UBE2D3: variants seen among roughly 807,000 people sequenced by gnomAD.
The protein encoded by UBE2D3 is ubiquitin-conjugating enzyme E2 D3.
Under a neutral mutation model 22.8 loss-of-function variants are expected in UBE2D3, and 2 were observed. That is an observed-to-expected ratio of 0.09 (90% CI 0.04 to 0.28). The LOEUF is 0.28. Among genes scored for constraint, UBE2D3 ranks in the 10% least tolerant of loss-of-function variants. UBE2D3 has a pLI of 1.00. For synonymous variants in UBE2D3, 56 were observed against 60.4 expected, an observed-to-expected ratio of 0.93 and a Z score of 0.34; for missense variants, 27 against 182.5, an observed-to-expected ratio of 0.15 and a Z score of 4.91.
At chr4:102,854,987 A>T (rs527585543) in intron 1 of UBE2D3, among the ~76,000 whole-genome samples, 1 of 152,208 alleles carries the variant, frequency 6.6e-6, no homozygotes, top group Non-Finnish European at 1.5e-5. Context: ...GGGTCTGTTG[A>T]AGTGAGTTGC....
intron 4 of UBE2D3, 89 bp from the exon 5 acceptor site, chr4:102,802,727 T>C (rs1442946276): frequency 1.7e-5 from 17 of 1,014,490 alleles, no homozygotes; most frequent in Admixed American, 7.2e-5. Flanking sequence ...TCTCTAATAA[T>C]GAACCCAAAT....
upstream of UBE2D3, chr4:102,827,942 A>C: frequency 2.3e-5 from 23 of 985,466 alleles, no homozygotes; most frequent in Non-Finnish European, 2.8e-5. Flanking sequence ...CAGTTTCCTC[A>C]CTTGGTATCG....
intron 2 of UBE2D3, among the ~76,000 whole-genome samples, chr4:102,818,132 A>G (rs1344964826): frequency 2.0e-5 from 3 of 152,194 alleles, no homozygotes; most frequent in African/African-American, 7.2e-5. Context: ...CTGAAACAGG[A>G]AAATGTTTGG....
chr4:102,832,681 G>T (rs900614818), intron 1 of UBE2D3, among the ~76,000 whole-genome samples: 2 of 152,216 alleles, frequency 1.3e-5, no homozygotes, highest in African/African-American at 4.8e-5. Flanking sequence ...GGGGCGGGGG[G>T]AATTCTCCCT....
Position 102,795,658 on chromosome 4 carries a change from TAA to T in UBE2D3, c.*1755_*1756del, listed in dbSNP as rs966210906. On this transcript the variant is annotated 3_prime_UTR_variant, in exon 8 of 8. Coordinates refer to ENST00000453744, the MANE Select transcript of UBE2D3 (RefSeq NM_181891.3). ...TCACTTCCAGTTTAGAGAAGAACCTTAAGTCAATAAATCATGTCCAAACTACA... is the reference window on the plus strand; with the variant it reads ...TCACTTCCAGTTTAGAGAAGAACCTTGTCAATAAATCATGTCCAAACTACA... 34 of 152,068 alleles carry T rather than the reference TAA, an allele frequency of 2.2e-4. No individual in the cohort carries two copies. Among genetic ancestry groups the T allele is most frequent in the African/African-American group, 8.2e-4 (34 of 41,450 alleles). 9.4% of individuals were successfully genotyped at this position (152,068 alleles called of 1,614,324 possible). A position where few individuals can be genotyped will look rare whatever the true frequency, so the allele number is the denominator to read the frequency against.
At chr4:102,802,351 A>T (rs952052256) in intron 5 of UBE2D3, 1 of 357,792 alleles carries the variant, frequency 2.8e-6, no homozygotes, top group African/African-American at 2.1e-5. Flanking sequence ...GAATCTTGCA[A>T]CATTAAAGAA....
intron 1 of UBE2D3, among the ~76,000 whole-genome samples, chr4:102,834,683 A>G (rs1202419572): frequency 6.6e-6 from 1 of 151,982 alleles, no homozygotes; most frequent in East Asian, 1.9e-4. Context: ...CAGGAGGTCA[A>G]GGCTGCAGTG....
chr4:102,853,368 C>T (rs370719022), intron 1 of UBE2D3, among the ~76,000 whole-genome samples: 1 of 151,110 alleles, frequency 6.6e-6, no homozygotes, highest in Non-Finnish European at 1.5e-5. Context: ...ACATGTGAGA[C>T]AAAATTATGT....
chr4:102,816,821 A>G (rs1728839012), intron 2 of UBE2D3, among the ~76,000 whole-genome samples: 1 of 152,212 alleles, frequency 6.6e-6, no homozygotes, highest in Admixed American at 6.5e-5. Context: ...TCATAGGAAC[A>G]TTGCCTTTTT....
rs1404003102 is a variant in UBE2D3 at position 102,813,935 on chromosome 4, G to T, written c.25-4080C>A. 2.6e-5 allele frequency among the ~76,000 whole-genome samples: 4 copies of T among 152,276 alleles called. No individual in the cohort carries two copies. In the East Asian group the frequency reaches 7.7e-4, roughly 29 times the overall value. On this transcript the variant is annotated intron_variant, in intron 2 of 7. Transcript: ENST00000453744. ...AAAAATAGAGTAGACAAGGAGAATT[G>T]TCCTGATATGCTGTGCCAATTCACT...
chr4:102,803,516 T>C (rs980142500), intron 4 of UBE2D3, among the ~76,000 whole-genome samples: 1 of 152,226 alleles, frequency 6.6e-6, no homozygotes, highest in African/African-American at 2.4e-5. Flanking sequence ...GCTCATCTAA[T>C]TCCTACCCTT....
At chr4:102,836,248 A>AGGGTCC (rs1731394069) in intron 1 of UBE2D3, among the ~76,000 whole-genome samples, 2 of 150,638 alleles carry the variant, frequency 1.3e-5, no homozygotes, top group African/African-American at 4.9e-5. Context: ...CTGGGTTCAA[A>AGGGTCC]TGATTCTCCT....
chr4:102,794,674 A>C lies in UBE2D3; in HGVS notation c.*2741T>G, dbSNP rs1019426345. 3.4e-5 allele frequency: 5 copies of C among 147,882 alleles called. No homozygotes were observed. The highest frequency in any genetic ancestry group is 2.7e-4 in the Admixed American group (4 of 14,792). 9.2% of individuals were successfully genotyped at this position (147,882 alleles called of 1,614,324 possible). ...TTTCAACAAACAAAAAAAAACAAAC[A>C]AAAAAAAAAGTGAGTGTTTCACTAC... On this transcript the variant is annotated 3_prime_UTR_variant, in exon 8 of 8. Coordinates refer to ENST00000453744, the MANE Select transcript of UBE2D3 (RefSeq NM_181891.3).
chr4:102,820,981 A>C (rs1729517141), intron 2 of UBE2D3, among the ~76,000 whole-genome samples: 1 of 152,172 alleles, frequency 6.6e-6, no homozygotes, highest in African/African-American at 2.4e-5. Flanking sequence ...AGGAGATAAA[A>C]ATCAGATGTT....
chr4:102,837,964 T>A (rs1731507449), intron 1 of UBE2D3, among the ~76,000 whole-genome samples: 1 of 151,736 alleles, frequency 6.6e-6, no homozygotes, highest in South Asian at 2.1e-4. Flanking sequence ...AAAAAATATA[T>A]ACATATTTTT....
chr4:102,821,938 AG>A (rs1729687091), intron 2 of UBE2D3, among the ~76,000 whole-genome samples: 1 of 152,220 alleles, frequency 6.6e-6, no homozygotes, highest in Admixed American at 6.5e-5. Context: ...AAACCAACCT[AG>A]GTTTGAGATT....
chr4:102,803,041 C>CACT (rs1276660560), intron 4 of UBE2D3, among the ~76,000 whole-genome samples: 2 of 152,214 alleles, frequency 1.3e-5, no homozygotes, highest in African/African-American at 2.4e-5. Context: ...ACAGTCCATT[C>CACT]TGCCCACTGG....
At chr4:102,818,622 T>C (rs774398208) in intron 2 of UBE2D3, among the ~76,000 whole-genome samples, 28 of 152,282 alleles carry the variant, frequency 1.8e-4, no homozygotes, top group Admixed American at 2.6e-4. Context: ...GGCACCATGG[T>C]AGAAAATAGG....
intron 2 of UBE2D3, among the ~76,000 whole-genome samples, 179 bp downstream of exon 2, chr4:102,826,306 G>A (rs1418805368): frequency 2.0e-5 from 3 of 152,088 alleles, no homozygotes; most frequent in African/African-American, 7.2e-5. Context: ...AGTGTTCTCC[G>A]TTTCCTAGCT....
Sources: allele counts gnomAD v4.1 joint callset (sites outside exome capture counted in the v4.1 genomes callset), GRCh38; gene constraint gnomAD v4.1.1; transcripts MANE v1.5; gene names NCBI Gene and HGNC (gene_info 2026-07-23, HGNC 2026-07-21).